Variants in ZFHX3 observed in about 807,000 individuals in gnomAD.
The protein encoded by ZFHX3 is zinc finger homeobox 3, also known as zinc finger homeobox protein 3.
In ZFHX3, 42 loss-of-function variants were observed where a neutral mutation model predicts 279.1. The observed-to-expected ratio is 0.15, with a 90% confidence interval of 0.12 to 0.19. The LOEUF (loss-of-function observed/expected upper bound fraction) is 0.19. Ranked by LOEUF, ZFHX3 falls within the 10% of genes least tolerant of loss-of-function variation. The pLI, the probability that ZFHX3 is intolerant of heterozygous loss-of-function variation, is 1.00. For synonymous variants in ZFHX3, 2,293 were observed against 1,957.8 expected (o/e 1.17, Z -4.52); for missense variants, 4,981 against 4,754.0 (o/e 1.05, Z -1.40).
At chr16:73,098,478 CA>C (rs2144785452) in intron 7 of ZFHX3, among the ~76,000 whole-genome samples, 1 of 152,338 alleles carries the variant, frequency 6.6e-6, no homozygotes, top group East Asian at 1.9e-4. Context: ...TCTCCTCCCT[CA>C]GCTTCCTGAG....
At chr16:73,807,852 C>T (rs1261517912) in intron 1 of ZFHX3, among the ~76,000 whole-genome samples, 1 of 151,862 alleles carries the variant, frequency 6.6e-6, no homozygotes, top group African/African-American at 2.4e-5. Flanking sequence ...TTCCAACATA[C>T]ATTTTGGACG....
rs573770644 is a variant in ZFHX3, at chr16:73,786,013, G to A, written c.-1608+105638C>T. ...AACCTTCTGAGTAGGTGGGATTACA[G>A]GCATGCACCACCACACTTGGCTAAT... On this transcript the variant is annotated intron_variant, in intron 1 of 17. Transcript: ENST00000641206. Among the ~76,000 whole-genome samples, 38 of 152,142 alleles carry A rather than the reference G, an allele frequency of 2.5e-4. 2 individuals carry two copies. In the East Asian group the frequency reaches 7.0e-3, roughly 28 times the overall value.
Position 72,795,430 on chromosome 16 carries a change from T to G in ZFHX3, c.7252A>C (p.Thr2418Pro), listed in dbSNP as rs756797572. 6.2e-7 allele frequency: 1 copy of G among 1,614,094 alleles called. No homozygotes were observed. The highest frequency in any genetic ancestry group is 8.5e-7 in the Non-Finnish European group (1 of 1,180,022). Residue 2418 changes from threonine to proline, a missense_variant, in exon 9 of 10, where the codon ACC (threonine) becomes CCC (proline). Thr to Pro is a conservative substitution (Grantham distance 38, BLOSUM62 -1). Coordinates refer to ENST00000268489, the MANE Select transcript of ZFHX3 (RefSeq NM_006885.4). ...CCTGCCTCTGTTTTTGAATTGAAGG[T>G]GGCCAGTTCCTCAGCCTCCGCTGTA... Reference protein sequence around the residue: ...QLTAEAEELATFNSKTEAGDE... With the variant: ...QLTAEAEELAPFNSKTEAGDE...
intron 2 of ZFHX3, among the ~76,000 whole-genome samples, chr16:73,516,200 G>A (rs1431009319): frequency 1.3e-5 from 2 of 152,164 alleles, no homozygotes; most frequent in African/African-American, 4.8e-5. Context: ...CGAGAAAAGA[G>A]AACCACACTA....
At chr16:73,435,736 G>A (rs2017985511) in intron 3 of ZFHX3, among the ~76,000 whole-genome samples, 1 of 152,212 alleles carries the variant, frequency 6.6e-6, no homozygotes, top group Non-Finnish European at 1.5e-5. Context: ...TAGAACCAAG[G>A]CCTCCACTCA....
chr16:73,495,988 C>G (rs940446156), intron 2 of ZFHX3, among the ~76,000 whole-genome samples: 1 of 152,140 alleles, frequency 6.6e-6, no homozygotes, highest in African/African-American at 2.4e-5. Flanking sequence ...ATTTATGGAG[C>G]CTTAACATAA....
At chr16:73,194,481 T>C (rs1435766470) in intron 5 of ZFHX3, among the ~76,000 whole-genome samples, 1 of 152,208 alleles carries the variant, frequency 6.6e-6, no homozygotes, top group African/African-American at 2.4e-5. Context: ...ATTACAGGCA[T>C]GAGCCACTGC....
At chr16:73,393,464 A>G (rs1002247673) in intron 3 of ZFHX3, among the ~76,000 whole-genome samples, 2 of 152,216 alleles carry the variant, frequency 1.3e-5, no homozygotes, top group Non-Finnish European at 2.9e-5. Context: ...AGTCGTTCAT[A>G]TGCTAGTTCC....
intron 1 of ZFHX3, among the ~76,000 whole-genome samples, chr16:73,889,935 G>C (rs2030474284): frequency 6.6e-6 from 1 of 152,102 alleles, no homozygotes; most frequent in Non-Finnish European, 1.5e-5. Context: ...AAAACTAATG[G>C]AGTTGCTTTG....
intron 2 of ZFHX3, among the ~76,000 whole-genome samples, chr16:73,588,702 C>CAAAAAAAAAAAAAAA (rs35658515): frequency 5.3e-5 from 3 of 56,398 alleles, no homozygotes; most frequent in African/African-American, 1.7e-4. Flanking sequence ...AAACAAAAAA[C>CAAAAAAAAAAAAAAA]AAAACAAAAA....
chr16:73,675,085 C>T (rs904206036), intron 2 of ZFHX3, among the ~76,000 whole-genome samples: 3 of 152,174 alleles, frequency 2.0e-5, no homozygotes, highest in Non-Finnish European at 4.4e-5. Context: ...AGCTCAGTTC[C>T]AGCCCCAACA....
chr16:73,886,400 C>T (rs1597158673), intron 1 of ZFHX3, among the ~76,000 whole-genome samples: 2 of 152,120 alleles, frequency 1.3e-5, no homozygotes, highest in East Asian at 3.8e-4. Context: ...CTGCAGTTAC[C>T]GTTTTTAAAC....
intron 2 of ZFHX3, among the ~76,000 whole-genome samples, chr16:73,482,240 C>T (rs368258521): frequency 6.6e-5 from 10 of 152,248 alleles, no homozygotes; most frequent in East Asian, 3.9e-4. Flanking sequence ...TCCTTTGGCA[C>T]CCCAGTCCCT....
chr16:73,526,524 T>C (rs2019699099), intron 2 of ZFHX3, among the ~76,000 whole-genome samples: 1 of 152,180 alleles, frequency 6.6e-6, no homozygotes, highest in African/African-American at 2.4e-5. Flanking sequence ...CCAGGCCTCG[T>C]TTCATATTCA....
intron 1 of ZFHX3, among the ~76,000 whole-genome samples, chr16:72,993,023 G>A (rs1345583423): frequency 1.3e-5 from 2 of 152,344 alleles, no homozygotes; most frequent in South Asian, 2.1e-4. Context: ...TGTAATCCCA[G>A]CTACTCCCAG....
chr16:72,943,794 T>C (rs1180094963), intron 3 of ZFHX3, among the ~76,000 whole-genome samples: 1 of 152,110 alleles, frequency 6.6e-6, no homozygotes, highest in African/African-American at 2.4e-5. Context: ...ACAACCCCAC[T>C]TCATGGTGTG....
intron 1 of ZFHX3, among the ~76,000 whole-genome samples, chr16:73,858,871 C>G (rs1408913269): frequency 6.6e-6 from 1 of 152,160 alleles, no homozygotes; most frequent in Non-Finnish European, 1.5e-5. Flanking sequence ...GAGAGGATCC[C>G]AAGATCTGAT....
chr16:72,932,761 G>A (rs1460413100), intron 3 of ZFHX3, among the ~76,000 whole-genome samples: 1 of 151,916 alleles, frequency 6.6e-6, no homozygotes, highest in African/African-American at 2.4e-5. Context: ...CGTCAGTTGT[G>A]TGGTCTAAGA....
intron 1 of ZFHX3, among the ~76,000 whole-genome samples, chr16:73,888,948 A>C (rs1783854807): frequency 7.4e-6 from 1 of 135,234 alleles, no homozygotes; most frequent in South Asian, 2.5e-4. Flanking sequence ...GCAAGCCCGC[A>C]TACTCTCCAG....
Sources: allele counts gnomAD v4.1 joint callset (sites outside exome capture counted in the v4.1 genomes callset), GRCh38; gene constraint gnomAD v4.1.1; transcripts MANE v1.5; gene names NCBI Gene and HGNC (gene_info 2026-07-23, HGNC 2026-07-21).